The following TMEM120A variants were observed in gnomAD, a reference collection of about 807,000 sequenced individuals.
TMEM120A encodes the protein transmembrane protein 120A, also known as ion channel TACAN.
Under a neutral mutation model 54.3 loss-of-function variants are expected in TMEM120A, and 45 were observed. That is an observed-to-expected ratio of 0.83 (90% confidence interval 0.65 to 1.06). The LOEUF is 1.06. TMEM120A is among the 50% of genes least tolerant of loss of function. The probability of loss-of-function intolerance (pLI) is 0.00; values close to 1 mark genes in which losing one functional copy is unlikely to be tolerated. For missense variants in TMEM120A, 424 were observed against 441.7 expected (o/e 0.96, Z 0.36); for synonymous variants, 204 against 178.5 (o/e 1.14, Z -1.14).
At chr7:75,988,202 T>C (rs782205966) in intron 6 of TMEM120A, 50 bp downstream of exon 6, 3 of 1,611,524 alleles carry the variant, frequency 1.9e-6, no homozygotes, top group East Asian at 2.2e-5. Context: ...TCCCGGAGGG[T>C]CCTGGCACCC....
rs1479126838 is a variant in TMEM120A, at chr7:75,994,429, C to T, written c.81+61G>A. On this transcript the variant is annotated intron_variant, in intron 1 of 11. Transcript: ENST00000493111. ...CTGCCTGACCCAGGGCTGCCCGACC[C>T]TTGACCCTGAGCCAGCGAGACGCGG... is the stretch of plus-strand genomic sequence containing the variant. 2.0e-6 allele frequency: 3 copies of T among 1,487,858 alleles called. No individual in the cohort carries two copies. In the South Asian group the frequency reaches 3.6e-5, roughly 18 times the overall value. 92.2% of individuals were successfully genotyped at this position (1,487,858 alleles called of 1,614,324 possible).
rs782746801 is a variant in TMEM120A, at chr7:75,987,055, A to G, written c.*117T>C. ...CTTCAGGGCCCACAGCGCCCATAAA[A>G]CCCAAGGGAGAATAGAAGAGACCCC... is the stretch of plus-strand genomic sequence containing the variant. On this transcript the variant is annotated 3_prime_UTR_variant, in exon 12 of 12. Coordinates refer to ENST00000493111, the MANE Select transcript of TMEM120A (RefSeq NM_031925.3). 1 of 890,964 alleles carries G rather than the reference A, an allele frequency of 1.1e-6. No homozygotes were observed. The highest frequency in any genetic ancestry group is 2.6e-5 in the East Asian group (1 of 37,816). 55.2% of individuals were successfully genotyped at this position (890,964 alleles called of 1,614,324 possible).
In TMEM120A at chr7:75,988,036, C is replaced by T. The variant is rs1022257653; in HGVS notation, c.629+47G>A. ...GGGGACCCTTGGGGATGCCGTGTAT[C>T]CCCTCCTTGTCCCAGCTCCTGCCCC... On this transcript the variant is annotated intron_variant, in intron 7 of 11. Coordinates refer to ENST00000493111, the MANE Select transcript of TMEM120A (RefSeq NM_031925.3). 8 of 1,595,972 alleles carry T rather than the reference C, an allele frequency of 5.0e-6. 1 individual carries two copies. The highest frequency in any genetic ancestry group is 3.4e-5 in the South Asian group (3 of 88,704).
intron 3 of TMEM120A, among the ~76,000 whole-genome samples, chr7:75,989,865 C>A (rs1249268205): frequency 6.6e-6 from 1 of 152,072 alleles, no homozygotes; most frequent in African/African-American, 2.4e-5. Flanking sequence ...TTTTGCCAAT[C>A]CCCTTCATGT....
chr7:75,989,102 AGG>A (rs1284035027), intron 4 of TMEM120A, 61 bp downstream of exon 4: 1 of 345,222 alleles, frequency 2.9e-6, no homozygotes, highest in Non-Finnish European at 5.1e-6. Context: ...TGAGGGGGGG[AGG>A]GGGGTAGGGG....
chr7:75,994,519 C>T lies in TMEM120A; in HGVS notation c.52G>A (p.Asp18Asn). 3 of 1,566,420 alleles carry T rather than the reference C, an allele frequency of 1.9e-6. No individual in the cohort carries two copies. The highest frequency in any genetic ancestry group is 2.6e-6 in the Non-Finnish European group (3 of 1,156,850). ...PLGDCLRDWEDLQQDFQNIQE... is the reference protein window; with the variant it reads ...PLGDCLRDWENLQQDFQNIQE... Reference sequence around the variant, plus strand: ...ATGTTCTGGAAGTCCTGCTGTAGATCCTCCCAGTCCCGCAGGCAGTCGCCC... The same window carrying T: ...ATGTTCTGGAAGTCCTGCTGTAGATTCTCCCAGTCCCGCAGGCAGTCGCCC... The change falls in exon 1 of 12, where the codon GAT becomes AAT. Residue 18 changes from aspartate to asparagine, a missense_variant. By Grantham distance (23) the Asp-to-Asn change is conservative (BLOSUM62 1). Transcript: ENST00000493111.
chr7:75,987,592 C>T lies in TMEM120A; in HGVS notation c.795G>A (p.Gln265=), dbSNP rs377729252. The part of the protein sequence containing the change: ...HTMDLTVEGF[Q]SWMWRGLTFL... ...AGGTGAGGCCCCGCCACATCCAGGACTGGAAGCCCTCTGCGGGGAGGAAGG... is the reference window on the plus strand; with the variant it reads ...AGGTGAGGCCCCGCCACATCCAGGATTGGAAGCCCTCTGCGGGGAGGAAGG... Residue 265 remains glutamine (Q), a synonymous_variant, in exon 10 of 12, where the codon CAG becomes CAA. Coordinates refer to ENST00000493111, the MANE Select transcript of TMEM120A (RefSeq NM_031925.3). The T allele has an allele frequency of 8.3e-5, 133 of 1,608,846 alleles. No homozygotes were observed. The highest frequency in any genetic ancestry group is 1.1e-4 in the Non-Finnish European group (124 of 1,178,232).
intron 3 of TMEM120A, among the ~76,000 whole-genome samples, chr7:75,991,059 C>T (rs1789826857): frequency 6.6e-6 from 1 of 152,128 alleles, no homozygotes; most frequent in Non-Finnish European, 1.5e-5. Flanking sequence ...ACAGGACTGA[C>T]CCCAGGCTAC....
At position 75,988,027 on chromosome 7, in the gene TMEM120A, G is replaced by A. The variant is rs1554560468; in HGVS notation, c.630-43C>T. 1.9e-6 allele frequency: 3 copies of A among 1,593,646 alleles called. No individual in the cohort carries two copies. The African/African-American group carries it at 4.0e-5, about 21-fold the overall frequency. ...GGGCAGTGTGGGGACCCTTGGGGATGCCGTGTATCCCCTCCTTGTCCCAGC... is the reference window on the plus strand; with the variant it reads ...GGGCAGTGTGGGGACCCTTGGGGATACCGTGTATCCCCTCCTTGTCCCAGC... On this transcript the variant is annotated intron_variant, in intron 7 of 11. Transcript: ENST00000493111.
At chr7:75,992,397 C>T in intron 2 of TMEM120A, 42 bp downstream of exon 2, 1 of 1,582,350 alleles carries the variant, frequency 6.3e-7, no homozygotes. Flanking sequence ...AGCCCTCCCA[C>T]CCCACACTCT....
intron 10 of TMEM120A, 33 bp from the exon 11 acceptor site, chr7:75,987,461 C>A (rs11766464): frequency 0.35 from 544,332 of 1,560,252 alleles, 101,866 homozygotes; most frequent in Non-Finnish European, 0.39. Flanking sequence ...ACTCAGAAGA[C>A]CCAGTCCCTG....
At chr7:75,994,451 G>A (rs576897292) in intron 1 of TMEM120A, 39 bp downstream of exon 1, 10 of 1,532,774 alleles carry the variant, frequency 6.5e-6, no homozygotes, top group South Asian at 1.2e-5. Flanking sequence ...CCAGCGAGAC[G>A]CGGCTCGGGG....
intron 1 of TMEM120A, among the ~76,000 whole-genome samples, chr7:75,993,948 G>A (rs1278831748): frequency 2.6e-5 from 2 of 76,928 alleles, no homozygotes; most frequent in African/African-American, 5.1e-5. Flanking sequence ...GCCTAGCCCC[G>A]CCCACCCCTC....
chr7:75,993,918 G>A (rs1789942185), intron 1 of TMEM120A, among the ~76,000 whole-genome samples: 1 of 152,104 alleles, frequency 6.6e-6, no homozygotes, highest in South Asian at 2.1e-4. Context: ...ATCTCTGCCA[G>A]GCCAGAGCGT....
chr7:75,994,515 A>G lies in TMEM120A; in HGVS notation c.56T>C (p.Leu19Pro). ...CTGGATGTTCTGGAAGTCCTGCTGT[A>G]GATCCTCCCAGTCCCGCAGGCAGTC... is the stretch of plus-strand genomic sequence containing the variant. ...LGDCLRDWEDLQQDFQNIQET... is the reference protein window; with the variant it reads ...LGDCLRDWEDPQQDFQNIQET... Residue 19 changes from leucine (L) to proline (P), a missense_variant, in exon 1 of 12, where the codon CTA becomes CCA. Leu to Pro is a moderately conservative substitution (Grantham distance 98). Transcript: ENST00000493111. The G allele has an allele frequency of 6.4e-7, 1 of 1,567,704 alleles. No homozygotes were observed. The highest frequency in any genetic ancestry group is 1.9e-5 in the Admixed American group (1 of 53,570).
At chr7:75,992,780 C>T (rs1349232134) in intron 1 of TMEM120A, among the ~76,000 whole-genome samples, 1 of 152,198 alleles carries the variant, frequency 6.6e-6, no homozygotes, top group African/African-American at 2.4e-5. Context: ...CAGCACCCCT[C>T]CTCCAAAAAC....
chr7:75,989,457 C>T (rs1470565131), intron 3 of TMEM120A, among the ~76,000 whole-genome samples: 1 of 147,584 alleles, frequency 6.8e-6, no homozygotes, highest in Non-Finnish European at 1.5e-5. Context: ...AAACAGTGTT[C>T]CCCCCCATCT....
intron 1 of TMEM120A, 43 bp from the exon 2 acceptor site, chr7:75,992,600 C>A (rs1290266471): frequency 1.4e-6 from 2 of 1,451,868 alleles, no homozygotes; most frequent in Non-Finnish European, 1.9e-6. Flanking sequence ...TGGGGAGCTA[C>A]TGAGCCAGAG....
Position 75,988,129 on chromosome 7 carries a change from A to G in TMEM120A, c.583T>C (p.Phe195Leu), listed in dbSNP as rs1554560558. Residue 195 changes from phenylalanine (F) to leucine (L), a missense_variant, in exon 7 of 12, where the codon TTC becomes CTC. By Grantham distance (22) the Phe-to-Leu change is conservative. Transcript: ENST00000493111. ...NGSRIKGWWV[F>L]HHYVSTFLSG... Reference sequence around the variant, plus strand: ...AGGAAGGTGGACACGTAGTGATGGAACACCCACCAGCCTTTGATCCTGGAG... The same window carrying G: ...AGGAAGGTGGACACGTAGTGATGGAGCACCCACCAGCCTTTGATCCTGGAG... The G allele has an allele frequency of 8.7e-6, 14 of 1,610,400 alleles. No homozygotes were observed. Among genetic ancestry groups the G allele is most frequent in the Non-Finnish European group, 1.2e-5 (14 of 1,178,902 alleles).
Sources: gnomAD v4.1 joint callset for allele counts (sites outside exome capture counted in the v4.1 genomes callset) on GRCh38, gnomAD v4.1.1 for gene constraint, MANE v1.5 for transcripts, NCBI Gene and HGNC (gene_info 2026-07-23, HGNC 2026-07-21) for gene names.